Variants in TGM3 observed in about 807,000 individuals in gnomAD.
TGM3 encodes protein-glutamine gamma-glutamyltransferase E.
In TGM3, 52 loss-of-function variants were observed where a neutral mutation model predicts 73.8. The ratio of observed to expected loss-of-function variants is 0.70; its 90% confidence interval spans 0.56 to 0.89. TGM3 has a LOEUF of 0.89. TGM3 is among the 40% of genes least tolerant of loss of function. The pLI is 0.00. For missense variants in TGM3, 928 were observed against 909.9 expected (o/e 1.02, Z -0.26); for synonymous variants, 372 against 354.9 (o/e 1.05, Z -0.54).
rs1286412487 is a variant in TGM3, at chr20:2,332,652, C to T, written c.1642+342C>T. ...AAAAAGGCAGATTTTCAGTGTCCAT[C>T]TTATAGAAGCAGAAAGTGAGGCTGG... On this transcript the variant is annotated intron_variant, in intron 10 of 12. Transcript: ENST00000381458. This position sits in a 1 kb window ranked among gnomAD's most constrained non-coding sequence, Gnocchi z 4.4. Among the ~76,000 whole-genome samples, 1 of 152,172 alleles carries T rather than the reference C, an allele frequency of 6.6e-6. No individual in the cohort carries two copies. The highest frequency in any genetic ancestry group is 1.5e-5 in the Non-Finnish European group (1 of 68,038).
chr20:2,303,031 G>A (rs556894059), intron 1 of TGM3, among the ~76,000 whole-genome samples: 4 of 152,340 alleles, frequency 2.6e-5, no homozygotes, highest in African/African-American at 9.6e-5. Context: ...CGAGCGAGGT[G>A]GCTCACGACT....
chr20:2,317,567 T>A, intron 7 of TGM3, 82 bp downstream of exon 7: 1 of 1,578,964 alleles, frequency 6.3e-7, no homozygotes. Context: ...GGGACCCAGG[T>A]CCAAACAGGT....
chr20:2,298,501 T>C (rs1164534569), intron 1 of TGM3, among the ~76,000 whole-genome samples: 1 of 152,220 alleles, frequency 6.6e-6, no homozygotes, highest in East Asian at 1.9e-4. Context: ...GACTAATGGC[T>C]CTGTCCCTCT....
At chr20:2,339,739 C>A in intron 11 of TGM3, 115 bp from the exon 12 acceptor site, 2 of 1,441,766 alleles carry the variant, frequency 1.4e-6, no homozygotes, top group Non-Finnish European at 1.9e-6. Context: ...GTCTCCCCTT[C>A]TTCATCCTCA....
At chr20:2,308,160 T>C (rs2084184896) in intron 1 of TGM3, among the ~76,000 whole-genome samples, 1 of 150,896 alleles carries the variant, frequency 6.6e-6, no homozygotes, top group Non-Finnish European at 1.5e-5. Context: ...AGCCAGAGGT[T>C]GCAGTGAGCC....
At chr20:2,321,876 G>A (rs2084264698) in intron 7 of TGM3, among the ~76,000 whole-genome samples, 1 of 152,192 alleles carries the variant, frequency 6.6e-6, no homozygotes, top group Non-Finnish European at 1.5e-5. Flanking sequence ...GAGGAACCAG[G>A]ATGCAGTTGT....
intron 1 of TGM3, among the ~76,000 whole-genome samples, chr20:2,306,472 C>CTTTTTTTTTTT (rs33929365): frequency 7.7e-6 from 1 of 129,622 alleles, no homozygotes; most frequent in Admixed American, 8.3e-5. Flanking sequence ...CTTTTCCTTT[C>CTTTTTTTTTTT]TTTTTTTTTT....
At chr20:2,312,519 G>C (rs1432691322) in intron 4 of TGM3, among the ~76,000 whole-genome samples, 1 of 151,856 alleles carries the variant, frequency 6.6e-6, no homozygotes, top group African/African-American at 2.4e-5. Context: ...GCTTGCTCTT[G>C]AGGTTTGTGG....
chr20:2,338,106 A>G (rs2084361358), intron 11 of TGM3, among the ~76,000 whole-genome samples: 1 of 152,232 alleles, frequency 6.6e-6, no homozygotes, highest in Non-Finnish European at 1.5e-5. Context: ...GGTGATCTGT[A>G]TGAAAAGATA....
chr20:2,335,400 G>A (rs1258394912), intron 11 of TGM3, 127 bp downstream of exon 11: 8 of 1,231,292 alleles, frequency 6.5e-6, no homozygotes, highest in Non-Finnish European at 9.0e-6. Context: ...TTGCTGGGAG[G>A]GGCAGAGAAC....
At position 2,332,774 on chromosome 20, in the gene TGM3, A is replaced by T. The variant is rs2084328467; in HGVS notation, c.1642+464A>T. On this transcript the variant is annotated intron_variant, in intron 10 of 12. Transcript: ENST00000381458. The surrounding 1 kb of genome is among the most constrained non-coding windows in gnomAD (Gnocchi z 4.4). The stretch of plus-strand genomic sequence containing the variant: ...GTTTCCTGATACTGAGTCCAGAGCC[A>T]CCCCCTGTTTTCTATGTTGTATTGT... Among the ~76,000 whole-genome samples, 1 of 151,970 alleles carries T rather than the reference A, an allele frequency of 6.6e-6. No homozygotes were observed. The highest frequency in any genetic ancestry group is 2.4e-5 in the African/African-American group (1 of 41,356).
At chr20:2,324,546 T>C (rs2084276897) in intron 7 of TGM3, among the ~76,000 whole-genome samples, 1 of 152,246 alleles carries the variant, frequency 6.6e-6, no homozygotes, top group African/African-American at 2.4e-5. Context: ...GCAGTGGCTC[T>C]GCTCTCAGTT....
chr20:2,324,740 C>G (rs542850544), intron 7 of TGM3, among the ~76,000 whole-genome samples: 1 of 152,210 alleles, frequency 6.6e-6, no homozygotes, highest in African/African-American at 2.4e-5. Flanking sequence ...GGCTGCCTGT[C>G]GAGTTCTTGC....
chr20:2,340,579 T>C lies in TGM3; in HGVS notation c.2080T>C (p.Ter694ArgextTer22), dbSNP rs1420961069. ...CATGTTGTCCATCGATGTAGCCGAA[T>C]GAAGGGCGCTGGTGGCCTCCCGTAC... ...KAMLSIDVAE[*>R] The change falls in exon 13 of 13, where the codon TGA (stop) becomes CGA (arginine). Residue 694 changes from the stop codon to arginine (R), a stop_lost. Transcript: ENST00000381458. The C allele has an allele frequency of 3.1e-6, 5 of 1,614,136 alleles. No individual in the cohort carries two copies. The highest frequency in any genetic ancestry group is 2.7e-5 in the African/African-American group (2 of 75,044).
intron 7 of TGM3, among the ~76,000 whole-genome samples, chr20:2,318,198 T>C (rs1345711027): frequency 1.3e-5 from 2 of 152,102 alleles, no homozygotes; most frequent in Non-Finnish European, 2.9e-5. Context: ...TTTTGTATTT[T>C]AGTAGAGACA....
At chr20:2,323,620 T>A (rs1451097867) in intron 7 of TGM3, among the ~76,000 whole-genome samples, 1 of 152,236 alleles carries the variant, frequency 6.6e-6, no homozygotes, top group East Asian at 1.9e-4. Flanking sequence ...AGTTTTTATA[T>A]TCATTGCCAA....
rs2084377035 is a variant in TGM3, at chr20:2,340,674, G to C, written c.*93G>C. 1.3e-6 allele frequency: 2 copies of C among 1,539,072 alleles called. No homozygotes were observed. The highest frequency in any genetic ancestry group is 2.4e-5 in the East Asian group (1 of 42,508). On this transcript the variant is annotated 3_prime_UTR_variant, in exon 13 of 13. Coordinates refer to ENST00000381458, the MANE Select transcript of TGM3 (RefSeq NM_003245.4). ...CCCCCCGCCCATGCTGTCCGGCCTG[G>C]GAAACCCTCTCCATCTCCCAAGGCT...
At chr20:2,333,444 T>C (rs909199149) in intron 10 of TGM3, among the ~76,000 whole-genome samples, 1 of 152,178 alleles carries the variant, frequency 6.6e-6, no homozygotes, top group African/African-American at 2.4e-5. Flanking sequence ...CAGGCTGAAG[T>C]GATCATAGCT....
intron 9 of TGM3, among the ~76,000 whole-genome samples, chr20:2,330,827 G>A (rs887537861): frequency 6.6e-6 from 1 of 151,918 alleles, no homozygotes; most frequent in African/African-American, 2.4e-5. Flanking sequence ...CCAACATGGT[G>A]AAACCCTGTC....
Sources: allele counts gnomAD v4.1 joint callset (sites outside exome capture counted in the v4.1 genomes callset), GRCh38; gene constraint gnomAD v4.1.1; non-coding constraint Gnocchi (gnomAD v3.1); transcripts MANE v1.5; gene names NCBI Gene and HGNC (gene_info 2026-07-23, HGNC 2026-07-21).